Variants in PDE11A observed in about 807,000 individuals in gnomAD.
PDE11A encodes the protein dual 3',5'-cyclic-AMP and -GMP phosphodiesterase 11A.
A neutral mutation model predicts 100.5 loss-of-function variants in PDE11A; 100 were observed. The observed-to-expected ratio is 1.00, with a 90% CI of 0.85 to 1.18. The LOEUF (loss-of-function observed/expected upper bound fraction) is 1.18. Ranked by LOEUF, PDE11A falls within the 50% of genes most tolerant of loss-of-function variation. The probability of loss-of-function intolerance (pLI) is 0.00; values close to 1 mark genes in which losing one functional copy is unlikely to be tolerated. For synonymous variants in PDE11A, 381 were observed against 420.8 expected, an observed-to-expected ratio of 0.91 and a Z score of 1.16; for missense variants, 1,141 against 1,152.6, an observed-to-expected ratio of 0.99 and a Z score of 0.15.
intron 4 of PDE11A, among the ~76,000 whole-genome samples, chr2:177,881,694 A>G (rs1469156082): frequency 6.6e-6 from 1 of 152,374 alleles, no homozygotes. Flanking sequence ...TATCTGGCCT[A>G]CCACCTGTTT....
At chr2:177,673,853 T>G (rs1178228674) in intron 17 of PDE11A, among the ~76,000 whole-genome samples, 1 of 152,146 alleles carries the variant, frequency 6.6e-6, no homozygotes, top group African/African-American at 2.4e-5. Context: ...TGATGAATTG[T>G]TGCGGGAAGC....
chr2:177,703,582 A>G lies in PDE11A; in HGVS notation c.2154-2371T>C, dbSNP rs759914560. ...CAGGCTGATTCCTGTGATCATTCCT[A>G]TGAATCAGCCATGCTCACATGCACC... On this transcript the variant is annotated intron_variant, in intron 13 of 19. Coordinates refer to ENST00000286063, the MANE Select transcript of PDE11A (RefSeq NM_016953.4). Among the ~76,000 whole-genome samples the G allele has an allele frequency of 2.0e-4, 31 of 152,206 alleles. 1 individual carries two copies.
chr2:177,785,619 T>G (rs1329947182), intron 9 of PDE11A, among the ~76,000 whole-genome samples: 1 of 152,036 alleles, frequency 6.6e-6, no homozygotes, highest in Non-Finnish European at 1.5e-5. Context: ...GGTCAGGGAG[T>G]TCCCTTTCCT....
chr2:178,038,054 A>G (rs1285645226), intron 1 of PDE11A, among the ~76,000 whole-genome samples: 2 of 152,126 alleles, frequency 1.3e-5, no homozygotes, highest in Non-Finnish European at 2.9e-5. Context: ...AAAAATTGCT[A>G]AGGGTTATAG....
intron 4 of PDE11A, among the ~76,000 whole-genome samples, chr2:177,884,118 A>G (rs1036801275): frequency 2.0e-5 from 3 of 152,318 alleles, no homozygotes; most frequent in Non-Finnish European, 4.4e-5. Flanking sequence ...GTAGTTGGGG[A>G]GTGGAGAGGT....
chr2:177,780,016 AT>A (rs934849611), intron 9 of PDE11A, among the ~76,000 whole-genome samples: 1 of 152,240 alleles, frequency 6.6e-6, no homozygotes, highest in Non-Finnish European at 1.5e-5. Flanking sequence ...TGAATGCTGT[AT>A]TAGCAGGCAT....
chr2:177,992,381 TA>T (rs2086015026), intron 2 of PDE11A, among the ~76,000 whole-genome samples: 1 of 146,494 alleles, frequency 6.8e-6, no homozygotes, highest in Non-Finnish European at 1.5e-5. Context: ...CCACTTGCTT[TA>T]ACTGTCAAAA....
intron 9 of PDE11A, among the ~76,000 whole-genome samples, chr2:177,795,631 G>A (rs1404443691): frequency 6.6e-6 from 1 of 152,018 alleles, no homozygotes; most frequent in Non-Finnish European, 1.5e-5. Flanking sequence ...CCACTGGGCA[G>A]GGAATTGAAG....
chr2:178,004,556 T>C (rs1301829579), intron 2 of PDE11A, among the ~76,000 whole-genome samples: 4 of 152,216 alleles, frequency 2.6e-5, no homozygotes, highest in Non-Finnish European at 5.9e-5. Flanking sequence ...ATAACAATTT[T>C]GCCTGCCAAC....
intron 1 of PDE11A, among the ~76,000 whole-genome samples, chr2:178,040,651 T>C (rs1402118285): frequency 6.6e-6 from 1 of 152,214 alleles, no homozygotes; most frequent in African/African-American, 2.4e-5. Flanking sequence ...ACCACTAAAC[T>C]AAAATTTCAC....
Position 177,627,214 on chromosome 2 carries a change from T to A in PDE11A, c.*2193A>T, listed in dbSNP as rs934452954. The A allele has an allele frequency of 1.3e-5, 2 of 151,522 alleles. No individual in the cohort carries two copies. The highest frequency in any genetic ancestry group is 4.9e-5 in the African/African-American group (2 of 41,208). The allele number at this position is 151,522 out of a possible 1,614,324, so 9.4% of individuals were successfully genotyped here. On this transcript the variant is annotated 3_prime_UTR_variant, in exon 20 of 20. Transcript: ENST00000286063. ...GCGCCTGGCTAATTTGTTTTGTGTT[T>A]TTTAGTAGAGACAGGGTTTCACCGT... is the stretch of plus-strand genomic sequence containing the variant.
chr2:177,928,082 C>A (rs2085155189), intron 2 of PDE11A, among the ~76,000 whole-genome samples: 1 of 105,860 alleles, frequency 9.4e-6, no homozygotes, highest in Non-Finnish European at 1.7e-5. Context: ...CCAGCCTGGG[C>A]AACAAGAGCG....
At chr2:177,748,187 A>G (rs868314902) in intron 10 of PDE11A, among the ~76,000 whole-genome samples, 17 of 152,244 alleles carry the variant, frequency 1.1e-4, no homozygotes, top group Middle Eastern at 3.2e-3. Context: ...AATAAATCCA[A>G]TAAATGATAT....
At chr2:177,749,169 T>C (rs770694448) in intron 10 of PDE11A, among the ~76,000 whole-genome samples, 1 of 151,388 alleles carries the variant, frequency 6.6e-6, no homozygotes, top group Non-Finnish European at 1.5e-5. Context: ...CCATCTACCA[T>C]TATTTTTGCT....
chr2:177,685,327 C>G (rs556604471), intron 15 of PDE11A, among the ~76,000 whole-genome samples: 1 of 152,308 alleles, frequency 6.6e-6, no homozygotes, highest in South Asian at 2.1e-4. Flanking sequence ...AAAGCCCTGT[C>G]AGATTCTTGC....
intron 19 of PDE11A, among the ~76,000 whole-genome samples, chr2:177,630,209 CA>C (rs548492213): frequency 5.1e-4 from 77 of 152,184 alleles, no homozygotes; most frequent in Non-Finnish European, 8.5e-4. Context: ...AGGGTGTGGC[CA>C]GGGGCAGATG....
chr2:177,729,324 CCTGGAACTTCCCG>C (rs535921282), intron 10 of PDE11A, among the ~76,000 whole-genome samples: 3,025 of 152,276 alleles, frequency 0.02, 43 homozygotes, highest in South Asian at 0.033. Context: ...ATAAATCACT[CCTGGAACTTCCCG>C]CATTTCTCCA....
At chr2:177,831,176 T>G (rs1176610236) in intron 6 of PDE11A, among the ~76,000 whole-genome samples, 2 of 152,112 alleles carry the variant, frequency 1.3e-5, no homozygotes, top group Non-Finnish European at 2.9e-5. Flanking sequence ...TTTAAGACAA[T>G]CACTAAGAGA....
At chr2:177,755,553 T>G (rs2105482301) in intron 10 of PDE11A, among the ~76,000 whole-genome samples, 1 of 152,320 alleles carries the variant, frequency 6.6e-6, no homozygotes, top group East Asian at 1.9e-4. Context: ...GCCCTCCTTC[T>G]GCTGCGACCC....
Sources: allele counts gnomAD v4.1 joint callset (sites outside exome capture counted in the v4.1 genomes callset), GRCh38; gene constraint gnomAD v4.1.1; transcripts MANE v1.5; gene names NCBI Gene and HGNC (gene_info 2026-07-23, HGNC 2026-07-21).